IDH1: variants seen among roughly 807,000 people sequenced by gnomAD.
The protein encoded by IDH1 is isocitrate dehydrogenase [NADP] cytoplasmic.
Under a neutral mutation model 46.1 loss-of-function variants are expected in IDH1, and 33 were observed. The observed-to-expected ratio is 0.72, with a 90% CI of 0.54 to 0.96. The LOEUF (loss-of-function observed/expected upper bound fraction) is 0.96, where lower values mean the gene tolerates loss of function less well. Ranked by LOEUF, IDH1 falls within the 40% of genes least tolerant of loss-of-function variation. The pLI is 0.00. For missense variants in IDH1, 421 were observed against 515.7 expected (o/e 0.82, Z 1.78); for synonymous variants, 144 against 172.8 (o/e 0.83, Z 1.31).
chr2:208,242,134 G>C lies in IDH1; in HGVS notation c.710C>G (p.Ser237Cys). The C allele has an allele frequency of 6.2e-7, 1 of 1,613,874 alleles. No homozygotes were observed. Residue 237 changes from serine to cysteine, a missense_variant, in exon 7 of 10, where the codon TCC (serine) becomes TGC (cysteine). Physicochemically the swap from Ser to Cys is moderately radical, Grantham distance 112 (BLOSUM62 -1). Coordinates refer to ENST00000345146, the MANE Select transcript of IDH1 (RefSeq NM_005896.4). ...CCAGATCTTTTGAGCTTCAAACTGG[G>C]ACTTGTACTGCCTGGGAAACAAAAG... ...FQEIYDKQYK[S>C]QFEAQKIWYE... is the part of the protein sequence containing the mutation.
intron 4 of IDH1, among the ~76,000 whole-genome samples, chr2:208,245,999 T>C (rs1014137722): frequency 6.6e-6 from 1 of 152,184 alleles, no homozygotes; most frequent in African/African-American, 2.4e-5. Flanking sequence ...GGAACTATGA[T>C]ATAGTAGAAA....
intron 2 of IDH1, among the ~76,000 whole-genome samples, chr2:208,252,197 C>T (rs1247021147): frequency 6.6e-6 from 1 of 152,218 alleles, no homozygotes; most frequent in African/African-American, 2.4e-5. Context: ...CCTGGTGGAA[C>T]TGTTTTCCTA....
chr2:208,246,082 T>C (rs1688016963), intron 4 of IDH1, among the ~76,000 whole-genome samples: 1 of 152,192 alleles, frequency 6.6e-6, no homozygotes, highest in African/African-American at 2.4e-5. Context: ...TCTCATGGTA[T>C]CATTGTTACT....
chr2:208,245,450 A>G, intron 4 of IDH1, 26 bp from the exon 5 acceptor site: 4 of 1,284,968 alleles, frequency 3.1e-6, no homozygotes, highest in Non-Finnish European at 4.5e-6. Flanking sequence ...AAAGGTATAA[A>G]GAAAAAAAAA....
chr2:208,246,851 G>A (rs2124860379), intron 4 of IDH1, among the ~76,000 whole-genome samples: 1 of 152,284 alleles, frequency 6.6e-6, no homozygotes. Context: ...GCTGAGGCAG[G>A]AGAATTGCTT....
At chr2:208,253,010 A>G (rs1229947176) in intron 2 of IDH1, among the ~76,000 whole-genome samples, 1 of 152,238 alleles carries the variant, frequency 6.6e-6, no homozygotes, top group African/African-American at 2.4e-5. Flanking sequence ...TGTCACACCT[A>G]TCCTTGTTTT....
At chr2:208,245,779 A>ACC (rs71412485) in intron 4 of IDH1, among the ~76,000 whole-genome samples, 10 of 20,958 alleles carry the variant, frequency 4.8e-4, no homozygotes, top group African/African-American at 6.0e-4. Context: ...AGGGTATTAG[A>ACC]CCCCCCCCCC....
chr2:208,248,139 T>A, intron 4 of IDH1: 1 of 576,126 alleles, frequency 1.7e-6, no homozygotes, highest in South Asian at 2.1e-5. Context: ...AAAAACAGCA[T>A]GTTTGAAAAA....
intron 4 of IDH1, 137 bp from the exon 5 acceptor site, chr2:208,245,561 T>TTTTTG: frequency 1.6e-6 from 1 of 631,702 alleles, no homozygotes; most frequent in Non-Finnish European, 2.8e-6. Context: ...TTTTTTTTTT[T>TTTTTG]TTTTAGGAGA....
At chr2:208,237,298 G>A in intron 9 of IDH1, 129 bp from the exon 10 acceptor site, 1 of 686,970 alleles carries the variant, frequency 1.5e-6, no homozygotes, top group Non-Finnish European at 2.6e-6. Context: ...ATTCATGTTA[G>A]TAAGCTACAA....
Position 208,248,605 on chromosome 2 carries a change from C to T in IDH1, c.178G>A (p.Ala60Thr), listed in dbSNP as rs1274559877. Reference sequence around the variant, plus strand: ...TTATGCTTCTTTATAGCTTCTGCAGCATCCTTGGTGACTTGGTCGTTGGTG... The same window carrying T: ...TTATGCTTCTTTATAGCTTCTGCAGTATCCTTGGTGACTTGGTCGTTGGTG... ...DATNDQVTKD[A>T]AEAIKKHNVG... The change falls in exon 4 of 10, where the codon GCT (alanine) becomes ACT (threonine). Residue 60 changes from alanine to threonine, a missense_variant. Transcript: ENST00000345146. The T allele has an allele frequency of 1.2e-6, 2 of 1,614,030 alleles. No homozygotes were observed. Among genetic ancestry groups the T allele is most frequent in the East Asian group, 2.2e-5 (1 of 44,898 alleles).
chr2:208,247,969 ACAAAT>A (rs1688053687), intron 4 of IDH1: 1 of 250,554 alleles, frequency 4.0e-6, no homozygotes, highest in Non-Finnish European at 7.8e-6. Context: ...AAACAAAGAA[ACAAAT>A]CAAGCAAAGC....
chr2:208,245,791 A>ACCCCCC (rs1559361378), intron 4 of IDH1, among the ~76,000 whole-genome samples: 2 of 114,970 alleles, frequency 1.7e-5, no homozygotes, highest in African/African-American at 7.3e-5. Context: ...CCCCCCCCCA[A>ACCCCCC]AAAAAAAAAA....
intron 4 of IDH1, among the ~76,000 whole-genome samples, chr2:208,245,995 A>G (rs1336042602): frequency 6.6e-6 from 1 of 152,332 alleles, no homozygotes; most frequent in South Asian, 2.1e-4. Flanking sequence ...GGAGGGAACT[A>G]TGATATAGTA....
At chr2:208,245,237 T>A in intron 5 of IDH1, 82 bp downstream of exon 5, 1 of 804,390 alleles carries the variant, frequency 1.2e-6, no homozygotes, top group Non-Finnish European at 2.1e-6. Flanking sequence ...GGCAGTCACA[T>A]AACTAACAAA....
At chr2:208,247,006 G>C (rs1207783693) in intron 4 of IDH1, among the ~76,000 whole-genome samples, 2 of 152,102 alleles carry the variant, frequency 1.3e-5, no homozygotes, top group East Asian at 3.9e-4. Context: ...AAGAATCTAG[G>C]GTGATTTTTA....
intron 2 of IDH1, among the ~76,000 whole-genome samples, chr2:208,252,419 T>TG (rs969512325): frequency 1.3e-5 from 2 of 152,126 alleles, no homozygotes; most frequent in East Asian, 1.9e-4. Context: ...GGATAGGGTG[T>TG]GGGGGTAGCA....
intron 1 of IDH1, chr2:208,254,476 G>T (rs1281347458): frequency 6.6e-6 from 1 of 152,244 alleles, no homozygotes; most frequent in Non-Finnish European, 1.5e-5. Context: ...GCGAGGGATC[G>T]GCTTCAAGGC....
At chr2:208,246,075 C>G (rs1688016789) in intron 4 of IDH1, among the ~76,000 whole-genome samples, 1 of 152,168 alleles carries the variant, frequency 6.6e-6, no homozygotes, top group African/African-American at 2.4e-5. Context: ...CTCGGTCTCT[C>G]ATGGTATCAT....
Sources: gnomAD v4.1 joint callset for allele counts (sites outside exome capture counted in the v4.1 genomes callset) on GRCh38, gnomAD v4.1.1 for gene constraint, MANE v1.5 for transcripts, NCBI Gene and HGNC (gene_info 2026-07-23, HGNC 2026-07-21) for gene names.